COL23A1: variants seen among roughly 807,000 people sequenced by gnomAD.
The protein encoded by COL23A1 is collagen type XXIII alpha 1 chain, also known as collagen alpha-1(XXIII) chain.
In COL23A1, 97 loss-of-function variants were observed where a neutral mutation model predicts 99.3. That is an observed-to-expected ratio of 0.98 (90% CI 0.83 to 1.16). COL23A1 has a LOEUF of 1.16. Among genes scored for constraint, COL23A1 ranks in the 50% most tolerant of loss-of-function variants. The pLI is 0.00. For missense variants in COL23A1, 762 were observed against 757.4 expected (o/e 1.01, Z -0.07); for synonymous variants, 320 against 308.2 (o/e 1.04, Z -0.40).
chr5:178,257,651 C>T (rs1001128724), intron 12 of COL23A1, 84 bp from the exon 13 acceptor site: 8 of 1,370,046 alleles, frequency 5.8e-6, no homozygotes, highest in Non-Finnish European at 8.1e-6. Flanking sequence ...CCCAGCACAC[C>T]AGTCTGCTCC....
At chr5:178,323,364 C>T (rs1759455184) in intron 2 of COL23A1, among the ~76,000 whole-genome samples, 1 of 152,148 alleles carries the variant, frequency 6.6e-6, no homozygotes, top group East Asian at 1.9e-4. Flanking sequence ...TCCCCAGTCC[C>T]CAAGGCCCCT....
chr5:178,426,970 G>A (rs1219553214), intron 2 of COL23A1, among the ~76,000 whole-genome samples: 2 of 152,202 alleles, frequency 1.3e-5, no homozygotes, highest in African/African-American at 4.8e-5. Flanking sequence ...GCCGAGGCAG[G>A]TGGATCACTT....
At chr5:178,402,736 A>C (rs1011989594) in intron 2 of COL23A1, among the ~76,000 whole-genome samples, 4 of 151,924 alleles carry the variant, frequency 2.6e-5, no homozygotes, top group Non-Finnish European at 5.9e-5. Flanking sequence ...AAGAAAGAAA[A>C]AACATATATA....
intron 2 of COL23A1, among the ~76,000 whole-genome samples, chr5:178,475,906 G>C (rs920072154): frequency 2.6e-5 from 4 of 152,172 alleles, no homozygotes; most frequent in Middle Eastern, 3.2e-3. Flanking sequence ...CTAATTCTTC[G>C]AATTCCTTGG....
intron 2 of COL23A1, among the ~76,000 whole-genome samples, chr5:178,448,528 C>T (rs1293364304): frequency 1.3e-5 from 2 of 152,214 alleles, no homozygotes; most frequent in African/African-American, 4.8e-5. Context: ...GTTCTGGAGG[C>T]TTGGAATTCC....
intron 2 of COL23A1, among the ~76,000 whole-genome samples, chr5:178,486,595 C>G (rs1015789393): frequency 1.3e-5 from 2 of 152,052 alleles, no homozygotes; most frequent in Non-Finnish European, 2.9e-5. Context: ...CAGGAAGAGA[C>G]AGTTGGGTGG....
intron 12 of COL23A1, among the ~76,000 whole-genome samples, chr5:178,258,272 A>ATATATAT (rs1765437453): frequency 9.7e-6 from 1 of 103,278 alleles, no homozygotes; most frequent in Non-Finnish European, 2.3e-5. Context: ...TACACATGCA[A>ATATATAT]ATCAATTCTA....
rs1763553537 is a variant in COL23A1, at chr5:178,384,352, G to A, written c.362-77433C>T. Among the ~76,000 whole-genome samples the A allele has an allele frequency of 6.6e-6, 1 of 152,228 alleles. No individual in the cohort carries two copies. ...TTTCTCATAAACCAGCTTTCACGAG[G>A]TGTTGGCTGCTCAGTCTTGACATGA... On this transcript the variant is annotated intron_variant, in intron 2 of 28. Transcript: ENST00000390654. This position sits in a 1 kb window ranked among gnomAD's most constrained non-coding sequence, Gnocchi z 5.5.
At chr5:178,347,717 C>T (rs552472033) in intron 2 of COL23A1, among the ~76,000 whole-genome samples, 52 of 151,874 alleles carry the variant, frequency 3.4e-4, no homozygotes, top group African/African-American at 1.2e-3. Context: ...CCTGTCTCTA[C>T]TAAAAGTACA....
At position 178,384,504 on chromosome 5, in the gene COL23A1, G is replaced by A. The variant is rs574350778; in HGVS notation, c.362-77585C>T. 6.6e-6 allele frequency among the ~76,000 whole-genome samples: 1 copy of A among 152,216 alleles called. No homozygotes were observed. Among genetic ancestry groups the A allele is most frequent in the East Asian group, 1.9e-4 (1 of 5,156 alleles). ...TTTTGGAGGCCACGTGGACGGCGCT[G>A]AGTGCATCCCTCTCCAGCGGCCCAC... On this transcript the variant is annotated intron_variant, in intron 2 of 28. Coordinates refer to ENST00000390654, the MANE Select transcript of COL23A1 (RefSeq NM_173465.4). The surrounding 1 kb of genome is among the most constrained non-coding windows in gnomAD (Gnocchi z 5.5).
chr5:178,403,511 G>A (rs1764584987), intron 2 of COL23A1, among the ~76,000 whole-genome samples: 1 of 152,238 alleles, frequency 6.6e-6, no homozygotes. Flanking sequence ...CTCAGCCAGT[G>A]AGACGCAGAG....
chr5:178,266,380 C>T (rs1326862016), intron 8 of COL23A1, among the ~76,000 whole-genome samples: 2 of 151,544 alleles, frequency 1.3e-5, no homozygotes. Flanking sequence ...TGTGTGTGTG[C>T]GCATATGTGT....
chr5:178,358,707 G>GTA (rs1561898978), intron 2 of COL23A1, among the ~76,000 whole-genome samples: 12 of 147,266 alleles, frequency 8.1e-5, no homozygotes, highest in Admixed American at 2.0e-4. Context: ...ATGTGTATGT[G>GTA]TGTATGTGTG....
intron 7 of COL23A1, among the ~76,000 whole-genome samples, chr5:178,268,472 C>T (rs1279939605): frequency 1.3e-5 from 2 of 152,156 alleles, no homozygotes; most frequent in Admixed American, 6.5e-5. Flanking sequence ...CTGGGAACAC[C>T]GGGCCTCCGA....
At chr5:178,362,081 G>T (rs1447763971) in intron 2 of COL23A1, among the ~76,000 whole-genome samples, 2 of 152,232 alleles carry the variant, frequency 1.3e-5, no homozygotes, top group Non-Finnish European at 2.9e-5. Context: ...GCAACAAGGA[G>T]GCTTCCTAGG....
At chr5:178,374,680 C>G (rs1027829285) in intron 2 of COL23A1, among the ~76,000 whole-genome samples, 2 of 152,202 alleles carry the variant, frequency 1.3e-5, no homozygotes, top group African/African-American at 2.4e-5. Flanking sequence ...AAAACCACTT[C>G]CCACCTGCTA....
chr5:178,332,209 C>A (rs527315579), intron 2 of COL23A1, among the ~76,000 whole-genome samples: 24 of 152,286 alleles, frequency 1.6e-4, no homozygotes, highest in Admixed American at 1.3e-4. Flanking sequence ...TTTGGTCACC[C>A]TCTCCACACC....
chr5:178,274,222 C>T (rs1561814796), intron 5 of COL23A1, among the ~76,000 whole-genome samples: 1 of 152,254 alleles, frequency 6.6e-6, no homozygotes, highest in Non-Finnish European at 1.5e-5. Flanking sequence ...CCTCAATGCA[C>T]TCAGTGCCTG....
intron 2 of COL23A1, among the ~76,000 whole-genome samples, chr5:178,312,092 C>G (rs1415898611): frequency 6.6e-6 from 1 of 152,178 alleles, no homozygotes; most frequent in Non-Finnish European, 1.5e-5. Context: ...GACTGCACCT[C>G]AGCAACACTG....
Sources: allele counts gnomAD v4.1 joint callset (sites outside exome capture counted in the v4.1 genomes callset), GRCh38; gene constraint gnomAD v4.1.1; non-coding constraint Gnocchi (gnomAD v3.1); transcripts MANE v1.5; gene names NCBI Gene and HGNC (gene_info 2026-07-23, HGNC 2026-07-21).